The following COL4A2 variants were observed in gnomAD, a reference collection of about 807,000 sequenced individuals.
COL4A2 encodes collagen type IV alpha 2 chain.
COL4A2 carries 99 observed loss-of-function variants against 200.2 expected under a neutral mutation model. The observed-to-expected ratio is 0.49, with a 90% confidence interval of 0.42 to 0.58. The LOEUF is 0.58. Ranked by LOEUF, COL4A2 falls within the 20% of genes least tolerant of loss-of-function variation. The probability of loss-of-function intolerance (pLI) is 0.00; values close to 1 mark genes in which losing one functional copy is unlikely to be tolerated. For missense variants in COL4A2, 1,950 were observed against 2,314.1 expected (o/e 0.84, Z 3.23); for synonymous variants, 897 against 900.6 (o/e 1.00, Z 0.07).
At chr13:110,328,365 A>G (rs563378975) in intron 3 of COL4A2, 2 of 152,338 alleles carry the variant, frequency 1.3e-5, no homozygotes, top group Non-Finnish European at 2.9e-5. Context: ...ATTAAATAAA[A>G]TTAGGAATAT....
At chr13:110,346,761 A>G (rs565028900) in intron 3 of COL4A2, among the ~76,000 whole-genome samples, 1 of 152,150 alleles carries the variant, frequency 6.6e-6, no homozygotes, top group Non-Finnish European at 1.5e-5. Flanking sequence ...TGTAGGTTCC[A>G]GGCTTCTAGA....
chr13:110,362,663 A>C (rs1205931964), intron 4 of COL4A2, among the ~76,000 whole-genome samples: 1 of 152,132 alleles, frequency 6.6e-6, no homozygotes, highest in Non-Finnish European at 1.5e-5. Flanking sequence ...TTTATACACC[A>C]TGGAGATGGA....
chr13:110,506,607 GTAGGTACCTCC>G lies in COL4A2; in HGVS notation c.4594+2_4594+12del. Reference sequence around the variant, plus strand: ...GAGAAGGCGCACAACCAGGACCTGGGTAGGTACCTCCCACCCGGCCCCCGTTGCCTGCTCAG... The same window carrying G: ...GAGAAGGCGCACAACCAGGACCTGGGCACCCGGCCCCCGTTGCCTGCTCAG... On this transcript the variant is annotated splice_donor_variant and splice_donor_5th_base_variant and intron_variant, in intron 46 of 47. Coordinates refer to ENST00000360467, the MANE Select transcript of COL4A2 (RefSeq NM_001846.4). LOFTEE classifies it high-confidence loss of function. 1 of 1,604,586 alleles carries G rather than the reference GTAGGTACCTCC, an allele frequency of 6.2e-7. No homozygotes were observed. The highest frequency in any genetic ancestry group is 8.5e-7 in the Non-Finnish European group (1 of 1,174,650).
chr13:110,400,660 A>G (rs34992019), intron 4 of COL4A2, among the ~76,000 whole-genome samples: 30,143 of 152,192 alleles, frequency 0.2, 3,087 homozygotes, highest in Middle Eastern at 0.26. Flanking sequence ...TGAAACCTGA[A>G]TATACTTTTA....
intron 4 of COL4A2, among the ~76,000 whole-genome samples, chr13:110,384,053 T>C (rs572599750): frequency 6.6e-6 from 1 of 152,284 alleles, no homozygotes; most frequent in East Asian, 1.9e-4. Flanking sequence ...ACTGCACAGA[T>C]GAAGGTTCCT....
chr13:110,365,970 C>T (rs1230471216), intron 4 of COL4A2, among the ~76,000 whole-genome samples: 4 of 152,176 alleles, frequency 2.6e-5, no homozygotes, highest in East Asian at 3.9e-4. Context: ...CACACAGACT[C>T]CACAGAACTG....
rs558410766 is a variant in COL4A2 at position 110,502,387 on chromosome 13, C to T, written c.3877+603C>T. Among the ~76,000 whole-genome samples, 233 of 152,280 alleles carry T rather than the reference C, an allele frequency of 1.5e-3. 2 individuals carry two copies. The highest frequency in any genetic ancestry group is 2.5e-3 in the Non-Finnish European group (168 of 68,024). On this transcript the variant is annotated intron_variant, in intron 41 of 47. Coordinates refer to ENST00000360467, the MANE Select transcript of COL4A2 (RefSeq NM_001846.4). ...TCGCCCAGGCTGGAGTGCAGTGGCA[C>T]GATCTTAGCTCGCTGCAATCTCCGC...
At chr13:110,452,402 T>G (rs1190496023) in intron 20 of COL4A2, among the ~76,000 whole-genome samples, 1 of 152,196 alleles carries the variant, frequency 6.6e-6, no homozygotes, top group Non-Finnish European at 1.5e-5. Flanking sequence ...GACCTCATGA[T>G]CCGCCCGCCT....
intron 16 of COL4A2, among the ~76,000 whole-genome samples, chr13:110,444,437 G>A (rs916264467): frequency 3.3e-5 from 5 of 152,182 alleles, no homozygotes; most frequent in East Asian, 1.9e-4. Context: ...AGCTTATGAC[G>A]TGGCCTCTAA....
intron 3 of COL4A2, among the ~76,000 whole-genome samples, chr13:110,335,160 C>T (rs1264917261): frequency 6.6e-6 from 1 of 152,132 alleles, no homozygotes; most frequent in Non-Finnish European, 1.5e-5. Context: ...TTCATTGATC[C>T]TGTGGTTGGG....
At chr13:110,495,604 A>T in intron 40 of COL4A2, 137 bp downstream of exon 40, 1 of 1,149,646 alleles carries the variant, frequency 8.7e-7, no homozygotes, top group Non-Finnish European at 1.2e-6. Flanking sequence ...GGGGAGGACT[A>T]CCTGTTGCAG....
chr13:110,510,518 G>T (rs1333504146), intron 47 of COL4A2, among the ~76,000 whole-genome samples: 1 of 152,254 alleles, frequency 6.6e-6, no homozygotes, highest in Non-Finnish European at 1.5e-5. Flanking sequence ...CAAGCCAGAG[G>T]TTTGTCCACT....
At chr13:110,416,019 C>T (rs1438612211) in intron 4 of COL4A2, among the ~76,000 whole-genome samples, 1 of 152,222 alleles carries the variant, frequency 6.6e-6, no homozygotes, top group Non-Finnish European at 1.5e-5. Context: ...TGAGTGAGGT[C>T]GTAAGTATAG....
intron 4 of COL4A2, among the ~76,000 whole-genome samples, chr13:110,389,917 C>T (rs1331156674): frequency 6.6e-6 from 1 of 151,550 alleles, no homozygotes; most frequent in Non-Finnish European, 1.5e-5. Context: ...TCTTTTATGA[C>T]TTTTACTCCC....
At chr13:110,339,970 G>A (rs964703719) in intron 3 of COL4A2, among the ~76,000 whole-genome samples, 5 of 152,350 alleles carry the variant, frequency 3.3e-5, no homozygotes, top group African/African-American at 9.6e-5. Flanking sequence ...GAAGGAAGAA[G>A]GTTCATCCTG....
chr13:110,336,013 T>C (rs1876167963), intron 3 of COL4A2, among the ~76,000 whole-genome samples: 1 of 152,242 alleles, frequency 6.6e-6, no homozygotes, highest in Non-Finnish European at 1.5e-5. Flanking sequence ...GATGGCCACT[T>C]CATTACTTCT....
intron 3 of COL4A2, among the ~76,000 whole-genome samples, chr13:110,340,557 C>T (rs1876403445): frequency 6.6e-6 from 1 of 152,210 alleles, no homozygotes; most frequent in African/African-American, 2.4e-5. Flanking sequence ...GGTTCATCCC[C>T]TCCCCACCTT....
At chr13:110,496,089 G>A (rs1275101627) in intron 40 of COL4A2, among the ~76,000 whole-genome samples, 2 of 152,210 alleles carry the variant, frequency 1.3e-5, no homozygotes, top group Non-Finnish European at 2.9e-5. Context: ...CTGACCAGGG[G>A]CATCTCCTGG....
intron 4 of COL4A2, among the ~76,000 whole-genome samples, chr13:110,408,621 G>A (rs1304098828): frequency 1.3e-5 from 2 of 152,294 alleles, no homozygotes; most frequent in Non-Finnish European, 2.9e-5. Context: ...GTGAGGAAGC[G>A]GGATGCGCTG....
Sources: allele counts gnomAD v4.1 joint callset (sites outside exome capture counted in the v4.1 genomes callset), GRCh38; gene constraint gnomAD v4.1.1; transcripts MANE v1.5; gene names NCBI Gene and HGNC (gene_info 2026-07-23, HGNC 2026-07-21).